Variants in ELAVL4 observed in about 807,000 individuals in gnomAD.
ELAVL4 encodes the protein ELAV-like protein 4.
ELAVL4 carries 1 observed loss-of-function variant against 35.6 expected under a neutral mutation model. The observed-to-expected ratio is 0.03, with a 90% confidence interval of 0.01 to 0.13. The LOEUF (loss-of-function observed/expected upper bound fraction) is 0.13. Ranked by LOEUF, ELAVL4 falls within the 10% of genes least tolerant of loss-of-function variation. The probability of loss-of-function intolerance (pLI) is 1.00; values close to 1 mark genes in which losing one functional copy is unlikely to be tolerated. For synonymous variants in ELAVL4, 156 were observed against 171.0 expected, an observed-to-expected ratio of 0.91 and a Z score of 0.69; for missense variants, 267 against 464.9, an observed-to-expected ratio of 0.57 and a Z score of 3.91.
chr1:50,163,355 C>T (rs938860615), intron 2 of ELAVL4, among the ~76,000 whole-genome samples: 1 of 152,156 alleles, frequency 6.6e-6, no homozygotes, highest in African/African-American at 2.4e-5. Context: ...TCAGTTTCCA[C>T]ATCTGTAGAA....
At chr1:50,138,426 A>T (rs888456288) in intron 1 of ELAVL4, among the ~76,000 whole-genome samples, 7 of 151,662 alleles carry the variant, frequency 4.6e-5, no homozygotes, top group African/African-American at 1.5e-4. Flanking sequence ...TAGTAGACTC[A>T]TGCCAGCCAA....
Position 50,129,775 on chromosome 1 carries a change from C to T in ELAVL4, c.10-15182C>T, listed in dbSNP as rs1224487536. ...AATTAAATTCCAAGGATAAATCTTA[C>T]CAGCTCTTAGATTAGTCAACTTTGC... On this transcript the variant is annotated intron_variant, in intron 1 of 6. Transcript: ENST00000371824. Among the ~76,000 whole-genome samples, 14 of 152,218 alleles carry T rather than the reference C, an allele frequency of 9.2e-5. No individual in the cohort carries two copies. The South Asian group carries it at 1.7e-3, about 18-fold the overall frequency.
At chr1:50,158,572 A>T (rs1676164183) in intron 2 of ELAVL4, among the ~76,000 whole-genome samples, 1 of 152,150 alleles carries the variant, frequency 6.6e-6, no homozygotes, top group Admixed American at 6.5e-5. Context: ...TCACACAGTG[A>T]GCTAGAACCA....
intron 1 of ELAVL4, among the ~76,000 whole-genome samples, chr1:50,094,742 C>CGATAAATA (rs1553166667): frequency 7.4e-5 from 10 of 135,522 alleles, no homozygotes; most frequent in African/African-American, 2.8e-4. Flanking sequence ...CCTGTCTCTA[C>CGATAAATA]AATAAATAAA....
intron 2 of ELAVL4, among the ~76,000 whole-genome samples, chr1:50,167,482 G>A (rs564478182): frequency 2.6e-5 from 4 of 152,250 alleles, no homozygotes; most frequent in Middle Eastern, 3.4e-3. Flanking sequence ...TGCCCTTTCC[G>A]TGATGGAAGA....
chr1:50,055,090 C>G (rs1239196637), intron 1 of ELAVL4, among the ~76,000 whole-genome samples: 2 of 152,094 alleles, frequency 1.3e-5, no homozygotes, highest in East Asian at 3.9e-4. Flanking sequence ...TCATTAAATC[C>G]TGCGCAATTT....
intron 2 of ELAVL4, among the ~76,000 whole-genome samples, chr1:50,149,668 C>A (rs951026478): frequency 6.6e-6 from 1 of 151,398 alleles, no homozygotes; most frequent in African/African-American, 2.4e-5. Flanking sequence ...CTCAGCCTCC[C>A]GAGTAACTGG....
rs1165451938 is a variant in ELAVL4 at position 50,203,113 on chromosome 1, A to T, written c.*1935A>T. The T allele has an allele frequency of 6.6e-6, 1 of 152,206 alleles. No individual in the cohort carries two copies. The highest frequency in any genetic ancestry group is 2.4e-5 in the African/African-American group (1 of 41,446). The allele number at this position is 152,206 out of a possible 1,614,324, so 9.4% of individuals were successfully genotyped here. A position where few individuals can be genotyped will look rare whatever the true frequency, so the allele number is the denominator to read the frequency against. ...TTACTCGCTATGCATAATCTAGTTGATAGTTAAATTTGCTATTGCTTTTCT... is the reference window on the plus strand; with the variant it reads ...TTACTCGCTATGCATAATCTAGTTGTTAGTTAAATTTGCTATTGCTTTTCT... On this transcript the variant is annotated 3_prime_UTR_variant, in exon 7 of 7. Transcript: ENST00000371824.
chr1:50,201,335 C>A lies in ELAVL4; in HGVS notation c.*157C>A. ...AGCCAGTGTTGCCTAAGTATTAAAA[C>A]ATTGGATTATCCTGAGGTGTACCAG... is the stretch of plus-strand genomic sequence containing the variant. On this transcript the variant is annotated 3_prime_UTR_variant, in exon 7 of 7. Coordinates refer to ENST00000371824, the MANE Select transcript of ELAVL4 (RefSeq NM_001144774.3). The surrounding 1 kb of genome is among the most constrained non-coding windows in gnomAD (Gnocchi z 4.3). 8 of 801,524 alleles carry A rather than the reference C, an allele frequency of 1.0e-5. No homozygotes were observed. The highest frequency in any genetic ancestry group is 1.4e-5 in the Non-Finnish European group (8 of 569,838). The allele number at this position is 801,524 out of a possible 1,614,324, so 49.7% of individuals were successfully genotyped here. A position where few individuals can be genotyped will look rare whatever the true frequency, so the allele number is the denominator to read the frequency against.
intron 2 of ELAVL4, among the ~76,000 whole-genome samples, chr1:50,170,862 A>T (rs1354630490): frequency 1.3e-5 from 2 of 152,078 alleles, no homozygotes; most frequent in African/African-American, 4.8e-5. Flanking sequence ...ACAAGACCTG[A>T]TTTCTTAATA....
chr1:50,096,967 G>A (rs1374669988), intron 1 of ELAVL4, among the ~76,000 whole-genome samples: 1 of 152,202 alleles, frequency 6.6e-6, no homozygotes, highest in African/African-American at 2.4e-5. Context: ...TGTAATCCCA[G>A]CACTTTGAGA....
chr1:50,186,027 T>G (rs1472291560), intron 3 of ELAVL4, among the ~76,000 whole-genome samples: 1 of 152,022 alleles, frequency 6.6e-6, no homozygotes, highest in Non-Finnish European at 1.5e-5. Flanking sequence ...AGAGAGAACT[T>G]AGTACGTACT....
chr1:50,119,036 A>AAAAAG (rs1469155235), intron 1 of ELAVL4, among the ~76,000 whole-genome samples: 1 of 127,256 alleles, frequency 7.9e-6, no homozygotes, highest in African/African-American at 3.1e-5. Context: ...GAAAGAAAGA[A>AAAAAG]AAAGAAAGAA....
intron 3 of ELAVL4, among the ~76,000 whole-genome samples, chr1:50,184,993 G>A (rs1257142148): frequency 6.6e-6 from 1 of 152,130 alleles, no homozygotes; most frequent in Non-Finnish European, 1.5e-5. Flanking sequence ...CAGTTTCTTA[G>A]TCACACTAGG....
chr1:50,193,923 A>G lies in ELAVL4; in HGVS notation c.508+5A>G. The G allele has an allele frequency of 6.2e-7, 1 of 1,613,600 alleles. No homozygotes were observed. Among genetic ancestry groups the G allele is most frequent in the East Asian group, 2.2e-5 (1 of 44,844 alleles). Reference sequence around the variant, plus strand: ...TCCTGGTTGATCAAGTCACAGGTTAAGTGTTTCTTTGTAATTTCTTTCCTT... The same window carrying G: ...TCCTGGTTGATCAAGTCACAGGTTAGGTGTTTCTTTGTAATTTCTTTCCTT... On this transcript the variant is annotated splice_donor_5th_base_variant and intron_variant, in intron 4 of 6. Coordinates refer to ENST00000371824, the MANE Select transcript of ELAVL4 (RefSeq NM_001144774.3).
chr1:50,055,688 T>C (rs984978483), intron 1 of ELAVL4, among the ~76,000 whole-genome samples: 3 of 151,802 alleles, frequency 2.0e-5, no homozygotes, highest in Non-Finnish European at 4.4e-5. Flanking sequence ...AAATTCTATA[T>C]AGGCCAGGCA....
chr1:50,201,283 G>T lies in ELAVL4; in HGVS notation c.*105G>T. The T allele has an allele frequency of 1.5e-6, 2 of 1,351,634 alleles. No homozygotes were observed. Among genetic ancestry groups the T allele is most frequent in the Non-Finnish European group, 1.9e-6 (2 of 1,027,676 alleles). 83.7% of individuals were successfully genotyped at this position (1,351,634 alleles called of 1,614,324 possible). A position where few individuals can be genotyped will look rare whatever the true frequency, so the allele number is the denominator to read the frequency against. ...AAAGAGAGAGAAACAAACTTTTCAAGGCTTATATTCAACCATGGACTTTAT... is the reference window on the plus strand; with the variant it reads ...AAAGAGAGAGAAACAAACTTTTCAATGCTTATATTCAACCATGGACTTTAT... On this transcript the variant is annotated 3_prime_UTR_variant, in exon 7 of 7. Transcript: ENST00000371824. This position sits in a 1 kb window ranked among gnomAD's most constrained non-coding sequence, Gnocchi z 4.3.
At chr1:50,124,137 T>C (rs1480219649) in intron 1 of ELAVL4, among the ~76,000 whole-genome samples, 1 of 152,058 alleles carries the variant, frequency 6.6e-6, no homozygotes, top group Admixed American at 6.6e-5. Flanking sequence ...TGAAGACTGG[T>C]TTTGACACAG....
At chr1:50,048,530 G>T (rs566992129) in intron 1 of ELAVL4, among the ~76,000 whole-genome samples, 35 of 152,270 alleles carry the variant, frequency 2.3e-4, no homozygotes, top group African/African-American at 8.2e-4. Flanking sequence ...GCAGCCCCGC[G>T]CCACTCCTCT....
Sources: gnomAD v4.1 joint callset for allele counts (sites outside exome capture counted in the v4.1 genomes callset) on GRCh38, gnomAD v4.1.1 for gene constraint, Gnocchi (gnomAD v3.1) non-coding constraint, MANE v1.5 for transcripts, NCBI Gene and HGNC (gene_info 2026-07-23, HGNC 2026-07-21) for gene names.